The following GFRAL variants were observed in gnomAD, a reference collection of about 807,000 sequenced individuals.
The protein encoded by GFRAL is GDNF family receptor alpha like, also known as GDNF family receptor alpha-like.
GFRAL carries 36 observed loss-of-function variants against 45.4 expected under a neutral mutation model. The ratio of observed to expected loss-of-function variants is 0.79; its 90% CI spans 0.61 to 1.05. The LOEUF (loss-of-function observed/expected upper bound fraction) is 1.05. Among genes scored for constraint, GFRAL ranks in the 50% least tolerant of loss-of-function variants. GFRAL has a pLI of 0.00. For synonymous variants in GFRAL, 166 were observed against 154.1 expected (o/e 1.08, Z -0.57); for missense variants, 507 against 467.5 (o/e 1.08, Z -0.78).
intron 3 of GFRAL, among the ~76,000 whole-genome samples, chr6:55,346,442 C>CA (rs1387549541): frequency 6.6e-6 from 1 of 151,234 alleles, no homozygotes; most frequent in African/African-American, 2.4e-5. Context: ...ATCCCAAAGA[C>CA]AAAAAAACCA....
At chr6:55,335,392 G>T (rs1260113688) in intron 3 of GFRAL, among the ~76,000 whole-genome samples, 1 of 151,750 alleles carries the variant, frequency 6.6e-6, no homozygotes, top group African/African-American at 2.4e-5. Context: ...TATGTGTTTT[G>T]TATTTTTTTA....
intron 5 of GFRAL, among the ~76,000 whole-genome samples, chr6:55,352,058 T>A (rs577967665): frequency 3.9e-4 from 59 of 152,060 alleles, no homozygotes; most frequent in Non-Finnish European, 6.6e-4. Context: ...TGGTGCAAAG[T>A]CAGAGATAAC....
chr6:55,375,395 C>T (rs181147982), intron 6 of GFRAL, among the ~76,000 whole-genome samples: 1 of 152,024 alleles, frequency 6.6e-6, no homozygotes, highest in East Asian at 1.9e-4. Context: ...GTTGTAAATG[C>T]GAGTTTGTTC....
rs146570795 is a variant in GFRAL at position 55,401,797 on chromosome 6, A to G, written c.1129A>G (p.Arg377Gly). Reference protein sequence around the residue: ...LLVMVKLRTSRISSKARDPSS... With the variant: ...LLVMVKLRTSGISSKARDPSS... Reference sequence around the variant, plus strand: ...TACTTTTATTTTATACAGAACTTCCAGAATATCAAGTAAAGCAAGAGATCC... The same window carrying G: ...TACTTTTATTTTATACAGAACTTCCGGAATATCAAGTAAAGCAAGAGATCC... The change falls in exon 9 of 9, where the codon AGA becomes GGA. Residue 377 changes from arginine to glycine, a missense_variant. Arg to Gly is a moderately radical substitution (Grantham distance 125, BLOSUM62 -2). Coordinates refer to ENST00000340465, the MANE Select transcript of GFRAL (RefSeq NM_207410.2). 880 of 1,515,656 alleles carry G rather than the reference A, an allele frequency of 5.8e-4. No homozygotes were observed. The highest frequency in any genetic ancestry group is 7.2e-4 in the Non-Finnish European group (787 of 1,089,880). The allele number at this position is 1,515,656 out of a possible 1,614,324, so 93.9% of individuals were successfully genotyped here. A position where few individuals can be genotyped will look rare whatever the true frequency, so the allele number is the denominator to read the frequency against.
chr6:55,366,612 A>C (rs1768367951), intron 6 of GFRAL, among the ~76,000 whole-genome samples: 2 of 130,652 alleles, frequency 1.5e-5, no homozygotes, highest in African/African-American at 3.3e-5. Context: ...ACTGCTTTGA[A>C]TGTGTCCCAG....
intron 6 of GFRAL, among the ~76,000 whole-genome samples, chr6:55,390,058 A>G (rs1292763089): frequency 6.6e-6 from 1 of 152,254 alleles, no homozygotes; most frequent in East Asian, 1.9e-4. Flanking sequence ...AAGAGAAGGG[A>G]AAGCCTTCCT....
At chr6:55,348,311 A>C (rs1486785817) in intron 3 of GFRAL, among the ~76,000 whole-genome samples, 1 of 151,990 alleles carries the variant, frequency 6.6e-6, no homozygotes, top group African/African-American at 2.4e-5. Flanking sequence ...TTTCATACAA[A>C]ATTAGCATTT....
chr6:55,376,431 A>G (rs896145427), intron 6 of GFRAL, among the ~76,000 whole-genome samples: 28 of 152,110 alleles, frequency 1.8e-4, no homozygotes, highest in African/African-American at 6.5e-4. Flanking sequence ...TTCAGTAGAA[A>G]TGGTACCAGC....
At chr6:55,391,516 C>T (rs1418374214) in intron 6 of GFRAL, among the ~76,000 whole-genome samples, 1 of 152,024 alleles carries the variant, frequency 6.6e-6, no homozygotes, top group Non-Finnish European at 1.5e-5. Flanking sequence ...TTTGGGAGGC[C>T]AAGGTAAGAG....
intron 6 of GFRAL, among the ~76,000 whole-genome samples, chr6:55,383,076 A>G (rs1436399781): frequency 6.6e-6 from 1 of 151,968 alleles, no homozygotes; most frequent in African/African-American, 2.4e-5. Flanking sequence ...TTTAGGGTAG[A>G]TAATCAACTG....
chr6:55,329,382 G>A (rs1425986344), intron 1 of GFRAL, among the ~76,000 whole-genome samples: 2 of 152,106 alleles, frequency 1.3e-5, no homozygotes, highest in African/African-American at 2.4e-5. Context: ...GTATTTCTAA[G>A]TGATTATTAC....
chr6:55,357,162 C>A (rs889069253), intron 5 of GFRAL, among the ~76,000 whole-genome samples: 1 of 151,870 alleles, frequency 6.6e-6, no homozygotes, highest in Admixed American at 6.6e-5. Context: ...AATGTGTATT[C>A]TTCAGCTATT....
At chr6:55,338,555 C>A (rs1380015616) in intron 3 of GFRAL, among the ~76,000 whole-genome samples, 4 of 152,078 alleles carry the variant, frequency 2.6e-5, no homozygotes, top group East Asian at 1.9e-4. Flanking sequence ...GTGATACAGT[C>A]TACACACATA....
Position 55,327,587 on chromosome 6 carries a change from G to A in GFRAL, c.22+11G>A, listed in dbSNP as rs369081537. On this transcript the variant is annotated intron_variant, in intron 1 of 8. Transcript: ENST00000340465. ...TGTTTATTTTCTTGGGTAAGTGAAT[G>A]GTGCTTCTGGTTTATCTGAATTATT... 4 of 1,610,660 alleles carry A rather than the reference G, an allele frequency of 2.5e-6. No individual in the cohort carries two copies. The highest frequency in any genetic ancestry group is 1.3e-5 in the African/African-American group (1 of 74,798).
chr6:55,357,142 TGAG>T (rs1187683269), intron 5 of GFRAL, among the ~76,000 whole-genome samples: 2 of 151,960 alleles, frequency 1.3e-5, no homozygotes, highest in Non-Finnish European at 2.9e-5. Flanking sequence ...ATCTGCGTGC[TGAG>T]GAGAATAATG....
At chr6:55,329,171 T>C (rs1363415537) in intron 1 of GFRAL, among the ~76,000 whole-genome samples, 4 of 152,104 alleles carry the variant, frequency 2.6e-5, no homozygotes, top group Admixed American at 1.3e-4. Context: ...GGTAATACAT[T>C]CTTGATTCTT....
intron 6 of GFRAL, among the ~76,000 whole-genome samples, chr6:55,368,614 G>C (rs1581751518): frequency 6.6e-6 from 1 of 152,014 alleles, no homozygotes; most frequent in Admixed American, 6.6e-5. Context: ...GTACAGATGG[G>C]TTTTTGGTGT....
chr6:55,335,124 T>C (rs1267077348), intron 3 of GFRAL, among the ~76,000 whole-genome samples: 1 of 152,200 alleles, frequency 6.6e-6, no homozygotes, highest in Non-Finnish European at 1.5e-5. Flanking sequence ...CATCAATGTA[T>C]AAAAGTTCCT....
chr6:55,380,661 A>C (rs1768596323), intron 6 of GFRAL, among the ~76,000 whole-genome samples: 1 of 151,946 alleles, frequency 6.6e-6, no homozygotes. Context: ...TGTGCTCAGA[A>C]GGGAAAGACC....
Sources: gnomAD v4.1 joint callset for allele counts (sites outside exome capture counted in the v4.1 genomes callset) on GRCh38, gnomAD v4.1.1 for gene constraint, MANE v1.5 for transcripts, NCBI Gene and HGNC (gene_info 2026-07-23, HGNC 2026-07-21) for gene names.